The following CPQ variants were observed in gnomAD, a reference collection of about 807,000 sequenced individuals.
CPQ encodes carboxypeptidase Q.
In CPQ, 37 loss-of-function variants were observed where a neutral mutation model predicts 45.7. That is an observed-to-expected ratio of 0.81 (90% CI 0.62 to 1.07). The LOEUF (loss-of-function observed/expected upper bound fraction) is 1.07. Among genes scored for constraint, CPQ ranks in the 50% least tolerant of loss-of-function variants. The probability of loss-of-function intolerance (pLI) is 0.00; values close to 1 mark genes in which losing one functional copy is unlikely to be tolerated. For missense variants in CPQ, 537 were observed against 572.9 expected, an observed-to-expected ratio of 0.94 and a Z score of 0.64; for synonymous variants, 186 against 205.8, an observed-to-expected ratio of 0.90 and a Z score of 0.82.
At chr8:96,958,394 A>C (rs189374001) in intron 4 of CPQ, among the ~76,000 whole-genome samples, 38 of 152,292 alleles carry the variant, frequency 2.5e-4, no homozygotes, top group Admixed American at 1.4e-3. Flanking sequence ...GAGACAACTT[A>C]TACTGTGGTT....
chr8:96,756,819 C>T (rs1324333349), intron 1 of CPQ, among the ~76,000 whole-genome samples: 1 of 152,148 alleles, frequency 6.6e-6, no homozygotes, highest in Non-Finnish European at 1.5e-5. Flanking sequence ...TCAAAGCTGT[C>T]ACCCTGATAT....
At chr8:96,775,588 GAT>G in intron 1 of CPQ, among the ~76,000 whole-genome samples, 1 of 152,272 alleles carries the variant, frequency 6.6e-6, no homozygotes, top group East Asian at 1.9e-4. Flanking sequence ...GTCTTCTCTT[GAT>G]ATACAAGATA....
At chr8:96,810,221 A>G (rs894396918) in intron 2 of CPQ, among the ~76,000 whole-genome samples, 1 of 152,144 alleles carries the variant, frequency 6.6e-6, no homozygotes, top group Non-Finnish European at 1.5e-5. Context: ...TACTCACCAG[A>G]TTTCACTATA....
chr8:96,820,995 T>G (rs1811297053), intron 2 of CPQ, among the ~76,000 whole-genome samples: 1 of 151,988 alleles, frequency 6.6e-6, no homozygotes, highest in Non-Finnish European at 1.5e-5. Flanking sequence ...TGAGATGCTG[T>G]CTCATTGTGG....
chr8:96,929,509 A>G (rs58193071), intron 4 of CPQ, among the ~76,000 whole-genome samples: 12,161 of 152,116 alleles, frequency 0.08, 927 homozygotes, highest in African/African-American at 0.21. Context: ...GCTGTGTGTT[A>G]GAGTGTGATA....
At position 97,022,500 on chromosome 8, in the gene CPQ, T is replaced by C. The variant is rs1378556719; in HGVS notation, c.962-6903T>C. ...CTATACATCTGACAAAGGACTAATATCCAGAATCTACAGTGAACTCAAACA... is the reference window on the plus strand; with the variant it reads ...CTATACATCTGACAAAGGACTAATACCCAGAATCTACAGTGAACTCAAACA... On this transcript the variant is annotated intron_variant, in intron 5 of 7. Coordinates refer to ENST00000220763, the MANE Select transcript of CPQ (RefSeq NM_016134.4). Among the ~76,000 whole-genome samples, 5 of 152,020 alleles carry C rather than the reference T, an allele frequency of 3.3e-5. No homozygotes were observed. The East Asian group carries it at 9.7e-4, about 29-fold the overall frequency.
intron 2 of CPQ, among the ~76,000 whole-genome samples, chr8:96,788,358 C>T (rs1810802424): frequency 6.6e-6 from 1 of 151,914 alleles, no homozygotes; most frequent in Non-Finnish European, 1.5e-5. Context: ...TGCAGTTTCA[C>T]CATTTTGGAC....
At chr8:96,740,519 G>C (rs1810071764) in intron 1 of CPQ, among the ~76,000 whole-genome samples, 1 of 151,680 alleles carries the variant, frequency 6.6e-6, no homozygotes, top group African/African-American at 2.4e-5. Context: ...AGTGGTGAGA[G>C]AGGGCATCCC....
At chr8:97,024,951 AATG>A (rs1809772417) in intron 5 of CPQ, among the ~76,000 whole-genome samples, 3 of 152,182 alleles carry the variant, frequency 2.0e-5, no homozygotes, top group African/African-American at 4.8e-5. Context: ...CAGAAGGGAG[AATG>A]ATACTTATCT....
intron 7 of CPQ, among the ~76,000 whole-genome samples, chr8:97,093,869 C>T (rs2513357): frequency 0.024 from 3,688 of 152,258 alleles, 61 homozygotes; most frequent in Non-Finnish European, 0.036. Flanking sequence ...TATTTATAGT[C>T]TCTGACATCA....
chr8:96,928,832 G>T (rs1812930612), intron 4 of CPQ, among the ~76,000 whole-genome samples: 3 of 152,122 alleles, frequency 2.0e-5, no homozygotes, highest in Non-Finnish European at 4.4e-5. Flanking sequence ...GTCTGAGGGT[G>T]GCAAATCAGA....
chr8:96,854,007 C>G lies in CPQ; in HGVS notation c.641+18827C>G, dbSNP rs151060091. On this transcript the variant is annotated intron_variant, in intron 3 of 7. Transcript: ENST00000220763. ...TATATTGTATTGCTGCTCTTCTCAC[C>G]AAGAGCTTCTGGGCCTTTAGCACAT... Among the ~76,000 whole-genome samples, 592 of 152,270 alleles carry G rather than the reference C, an allele frequency of 3.9e-3. 6 individuals are homozygous for G. The highest frequency in any genetic ancestry group is 0.014 in the African/African-American group (568 of 41,566).
At chr8:96,913,948 T>C (rs1389307029) in intron 4 of CPQ, among the ~76,000 whole-genome samples, 2 of 152,192 alleles carry the variant, frequency 1.3e-5, no homozygotes, top group Non-Finnish European at 2.9e-5. Context: ...AAGAAAGTAA[T>C]TCTTGTTCAT....
intron 7 of CPQ, among the ~76,000 whole-genome samples, chr8:97,087,770 C>A (rs2130561101): frequency 6.6e-6 from 1 of 152,178 alleles, no homozygotes. Flanking sequence ...GAAAAGATCT[C>A]ACTAAAAAAC....
intron 5 of CPQ, among the ~76,000 whole-genome samples, chr8:96,993,213 A>G (rs1809125118): frequency 6.6e-6 from 1 of 152,154 alleles, no homozygotes; most frequent in Non-Finnish European, 1.5e-5. Context: ...TGTTTTTAAG[A>G]TATTGTGTTG....
At chr8:96,960,797 TCTA>T (rs1813447565) in intron 4 of CPQ, among the ~76,000 whole-genome samples, 1 of 147,438 alleles carries the variant, frequency 6.8e-6, no homozygotes, top group African/African-American at 2.7e-5. Context: ...ATCATAATCT[TCTA>T]CTTCTTTTGT....
chr8:96,937,130 G>A (rs757905527), intron 4 of CPQ, among the ~76,000 whole-genome samples: 13 of 152,096 alleles, frequency 8.5e-5, no homozygotes, highest in Admixed American at 2.0e-4. Context: ...AGTTTTTTGA[G>A]AGGTTACACA....
intron 2 of CPQ, among the ~76,000 whole-genome samples, chr8:96,797,261 C>T (rs1343735224): frequency 6.6e-6 from 1 of 152,120 alleles, no homozygotes; most frequent in African/African-American, 2.4e-5. Flanking sequence ...TAGAAAATCC[C>T]AGGAATGTAG....
chr8:97,089,203 A>G (rs1257190823), intron 7 of CPQ, among the ~76,000 whole-genome samples: 1 of 147,360 alleles, frequency 6.8e-6, no homozygotes, highest in African/African-American at 2.5e-5. Flanking sequence ...AGATCGTGCC[A>G]TTACACTCCA....
Sources: gnomAD v4.1 joint callset for allele counts (sites outside exome capture counted in the v4.1 genomes callset) on GRCh38, gnomAD v4.1.1 for gene constraint, MANE v1.5 for transcripts, NCBI Gene and HGNC (gene_info 2026-07-23, HGNC 2026-07-21) for gene names.